CAMK1D: variants seen among roughly 807,000 people sequenced by gnomAD.
CAMK1D encodes calcium/calmodulin dependent protein kinase ID, also known as calcium/calmodulin-dependent protein kinase type 1D.
CAMK1D carries 9 observed loss-of-function variants against 47.7 expected under a neutral mutation model. The observed-to-expected ratio is 0.19, with a 90% CI of 0.11 to 0.33. The LOEUF (loss-of-function observed/expected upper bound fraction) is 0.33. Among genes scored for constraint, CAMK1D ranks in the 10% least tolerant of loss-of-function variants. The pLI is 1.00. For synonymous variants in CAMK1D, 184 were observed against 184.9 expected (o/e 0.99, Z 0.04); for missense variants, 291 against 488.7 (o/e 0.60, Z 3.81).
intron 4 of CAMK1D, 37 bp from the exon 5 acceptor site, chr10:12,769,636 C>A (rs761915183): frequency 1.9e-6 from 3 of 1,609,928 alleles, no homozygotes; most frequent in Admixed American, 3.4e-5. Context: ...CAGCTTTACA[C>A]GTAGTTTGTA....
At chr10:12,502,899 C>A (rs937755155) in intron 1 of CAMK1D, among the ~76,000 whole-genome samples, 4 of 152,246 alleles carry the variant, frequency 2.6e-5, no homozygotes, top group African/African-American at 9.6e-5. Context: ...GTGCAGTTCA[C>A]TGCCTTTGCC....
At chr10:12,807,805 C>T (rs61853688) in intron 6 of CAMK1D, among the ~76,000 whole-genome samples, 2,010 of 152,342 alleles carry the variant, frequency 0.013, 22 homozygotes, top group Middle Eastern at 0.031. Flanking sequence ...AGCTCCACTG[C>T]AGGCCCCCCT....
At chr10:12,766,146 G>A (rs1359129227) in intron 4 of CAMK1D, among the ~76,000 whole-genome samples, 1 of 151,616 alleles carries the variant, frequency 6.6e-6, no homozygotes, top group East Asian at 1.9e-4. Flanking sequence ...TGTATTTTTA[G>A]TAGAGACAGG....
chr10:12,524,081 A>T (rs956071189), intron 1 of CAMK1D, among the ~76,000 whole-genome samples: 3 of 151,784 alleles, frequency 2.0e-5, no homozygotes, highest in African/African-American at 7.3e-5. Flanking sequence ...TTTAGTAGAG[A>T]CAGGGTTTCA....
At chr10:12,788,695 A>T (rs1174943468) in intron 5 of CAMK1D, among the ~76,000 whole-genome samples, 3 of 152,314 alleles carry the variant, frequency 2.0e-5, no homozygotes, top group Non-Finnish European at 4.4e-5. Flanking sequence ...ACTGTGGTAA[A>T]TGTGGCTCCC....
At chr10:12,667,025 G>GCTTGA in intron 3 of CAMK1D, 1 of 516,966 alleles carries the variant, frequency 1.9e-6, no homozygotes, top group South Asian at 3.1e-5. Flanking sequence ...GCACTGCTGG[G>GCTTGA]CTGGACTGAT....
chr10:12,476,127 A>G (rs1833895757), intron 1 of CAMK1D, among the ~76,000 whole-genome samples: 1 of 151,996 alleles, frequency 6.6e-6, no homozygotes, highest in Non-Finnish European at 1.5e-5. Flanking sequence ...CCCCATCTCT[A>G]CTAAAAATAC....
At chr10:12,675,830 G>C (rs1333787680) in intron 3 of CAMK1D, among the ~76,000 whole-genome samples, 1 of 152,182 alleles carries the variant, frequency 6.6e-6, no homozygotes, top group Non-Finnish European at 1.5e-5. Flanking sequence ...CTTTCGTTCA[G>C]CTGCAGCCTG....
intron 1 of CAMK1D, among the ~76,000 whole-genome samples, chr10:12,503,454 G>T (rs573763612): frequency 5.9e-5 from 9 of 152,328 alleles, no homozygotes; most frequent in African/African-American, 2.2e-4. Flanking sequence ...TAACAAGGGA[G>T]GAGAGAGCAG....
chr10:12,822,091 ACCACTAGGATC>A (rs1833034502), intron 8 of CAMK1D, among the ~76,000 whole-genome samples: 1 of 152,196 alleles, frequency 6.6e-6, no homozygotes, highest in Admixed American at 6.5e-5. Flanking sequence ...AGAAGCATTG[ACCACTAGGATC>A]CCTTCCAATG....
intron 1 of CAMK1D, among the ~76,000 whole-genome samples, chr10:12,513,508 C>T (rs925515263): frequency 1.3e-5 from 2 of 152,014 alleles, no homozygotes; most frequent in African/African-American, 4.8e-5. Context: ...TTAATTAGGC[C>T]GGGCGTGGTG....
chr10:12,504,127 GTC>G (rs1201467858), intron 1 of CAMK1D, among the ~76,000 whole-genome samples: 5 of 132,916 alleles, frequency 3.8e-5, no homozygotes, highest in Admixed American at 1.4e-4. Context: ...GTGTGTGTGT[GTC>G]TGTGTGTGTG....
intron 3 of CAMK1D, among the ~76,000 whole-genome samples, chr10:12,750,023 C>T (rs1835874812): frequency 6.6e-6 from 1 of 152,220 alleles, no homozygotes; most frequent in South Asian, 2.1e-4. Flanking sequence ...GAACGTCTGG[C>T]AGCTGGTCTG....
intron 4 of CAMK1D, among the ~76,000 whole-genome samples, chr10:12,764,201 T>C (rs1373647195): frequency 6.6e-6 from 1 of 151,988 alleles, no homozygotes; most frequent in African/African-American, 2.4e-5. Context: ...ACCAACATGG[T>C]GAAACCCCAT....
intron 1 of CAMK1D, among the ~76,000 whole-genome samples, chr10:12,545,406 G>A (rs1408081948): frequency 2.2e-5 from 3 of 139,396 alleles, no homozygotes; most frequent in Admixed American, 7.7e-5. Context: ...GCTAGATGAC[G>A]CCACTGCACT....
chr10:12,635,809 A>G (rs1441666340), intron 2 of CAMK1D, among the ~76,000 whole-genome samples: 1 of 152,206 alleles, frequency 6.6e-6, no homozygotes, highest in East Asian at 1.9e-4. Flanking sequence ...GATTCCTGAT[A>G]AAACCTGATG....
At chr10:12,358,459 G>A (rs1269947501) in intron 1 of CAMK1D, among the ~76,000 whole-genome samples, 1 of 152,156 alleles carries the variant, frequency 6.6e-6, no homozygotes, top group Non-Finnish European at 1.5e-5. Context: ...CTTGAGCCTG[G>A]GAGGCGAAGG....
rs150860471 is a variant in CAMK1D, at chr10:12,670,876, G to A, written c.299+4066G>A. On this transcript the variant is annotated intron_variant, in intron 3 of 10. Transcript: ENST00000619168. ...AAATGTTTTTTGTTATAGTCACAAG[G>A]TTATGCATCCATCACTACAACCTAA... Among the ~76,000 whole-genome samples the A allele has an allele frequency of 3.4e-4, 51 of 152,204 alleles. No homozygotes were observed. In the East Asian group the frequency reaches 7.7e-3, roughly 23 times the overall value.
intron 1 of CAMK1D, among the ~76,000 whole-genome samples, chr10:12,522,120 G>T (rs889937464): frequency 6.7e-6 from 1 of 149,838 alleles, no homozygotes; most frequent in African/African-American, 2.5e-5. Flanking sequence ...TTTGCTTTGC[G>T]TTGATCTCTT....
Sources: allele counts gnomAD v4.1 joint callset (sites outside exome capture counted in the v4.1 genomes callset), GRCh38; gene constraint gnomAD v4.1.1; transcripts MANE v1.5; gene names NCBI Gene and HGNC (gene_info 2026-07-23, HGNC 2026-07-21).